Variants in SYT16 observed in about 807,000 individuals in gnomAD.
SYT16 encodes synaptotagmin 16, also known as synaptotagmin-16.
A neutral mutation model predicts 61.4 loss-of-function variants in SYT16; 42 were observed. That is an observed-to-expected ratio of 0.68 (90% CI 0.53 to 0.89). SYT16 has a LOEUF of 0.89. SYT16 is among the 40% of genes least tolerant of loss of function. SYT16 has a pLI of 0.00. For synonymous variants in SYT16, 314 were observed against 302.3 expected (o/e 1.04, Z -0.40); for missense variants, 804 against 807.3 (o/e 1.00, Z 0.05).
At chr14:62,067,862 T>G (rs1406492356) in intron 3 of SYT16, among the ~76,000 whole-genome samples, 1 of 152,192 alleles carries the variant, frequency 6.6e-6, no homozygotes, top group African/African-American at 2.4e-5. Flanking sequence ...GGTGCATGCC[T>G]GTAATCTCAG....
chr14:62,061,758 A>C (rs550953761), intron 3 of SYT16, among the ~76,000 whole-genome samples: 1 of 152,272 alleles, frequency 6.6e-6, no homozygotes, highest in South Asian at 2.1e-4. Flanking sequence ...AAGACGTAAC[A>C]AACTAAAAGG....
chr14:61,938,991 T>C (rs2050101363), intron 1 of SYT16, among the ~76,000 whole-genome samples: 1 of 152,078 alleles, frequency 6.6e-6, no homozygotes, highest in South Asian at 2.1e-4. Flanking sequence ...AAAAATTAGC[T>C]GGGCATGGTG....
intron 3 of SYT16, among the ~76,000 whole-genome samples, chr14:62,021,484 GGTT>G (rs10618042): frequency 0.41 from 62,536 of 150,762 alleles, 13,260 homozygotes; most frequent in East Asian, 0.66. Context: ...TTTTTTTTTC[GGTT>G]GTTGTTTTTT....
intron 1 of SYT16, among the ~76,000 whole-genome samples, chr14:61,887,762 C>T (rs746968561): frequency 5.9e-5 from 9 of 152,276 alleles, no homozygotes; most frequent in African/African-American, 9.6e-5. Flanking sequence ...GAAGAGAGTT[C>T]GGGCCTTGCT....
rs143768257 is a variant in SYT16, at chr14:61,895,920, T to C, written c.-324-74212T>C. Among the ~76,000 whole-genome samples the C allele has an allele frequency of 6.8e-3, 1,035 of 152,274 alleles. 9 individuals carry two copies. The highest frequency in any genetic ancestry group is 0.019 in the African/African-American group (776 of 41,546). ...CTTCTCCTCAGAGGATGAGCTAACC[T>C]CTTAGGGTTTTATCTCCAGCCTGGC... On this transcript the variant is annotated intron_variant, in intron 1 of 7. Coordinates refer to ENST00000683842, the MANE Select transcript of SYT16 (RefSeq NM_001367656.1).
In SYT16 at chr14:62,044,504, A is replaced by G. The variant is rs143707510; in HGVS notation, c.524-25099A>G. 1.5e-4 allele frequency among the ~76,000 whole-genome samples: 23 copies of G among 150,406 alleles called. No homozygotes were observed. In the East Asian group the frequency reaches 4.5e-3, roughly 30 times the overall value. ...GTGTGATGTTCCCCTCCCTCTGTCCATGTGCTCTCATTGTTCAACTCCTAC... is the reference window on the plus strand; with the variant it reads ...GTGTGATGTTCCCCTCCCTCTGTCCGTGTGCTCTCATTGTTCAACTCCTAC... On this transcript the variant is annotated intron_variant, in intron 3 of 7. Coordinates refer to ENST00000683842, the MANE Select transcript of SYT16 (RefSeq NM_001367656.1).
chr14:61,885,731 C>G (rs2047874143), intron 1 of SYT16, among the ~76,000 whole-genome samples: 1 of 152,072 alleles, frequency 6.6e-6, no homozygotes, highest in Non-Finnish European at 1.5e-5. Flanking sequence ...TTTTTGGTTT[C>G]TCAGTGCGTA....
At chr14:61,869,320 C>T (rs569475872) in intron 1 of SYT16, among the ~76,000 whole-genome samples, 3 of 151,680 alleles carry the variant, frequency 2.0e-5, no homozygotes, top group South Asian at 2.1e-4. Flanking sequence ...TTTGTCTTAC[C>T]GTCTTTATTC....
chr14:61,907,902 C>T (rs751120966), intron 1 of SYT16, among the ~76,000 whole-genome samples: 1 of 152,128 alleles, frequency 6.6e-6, no homozygotes, highest in Non-Finnish European at 1.5e-5. Flanking sequence ...ACGTCGTGTT[C>T]CTACAAAGAG....
At chr14:61,890,577 T>TAAAA in intron 1 of SYT16, among the ~76,000 whole-genome samples, 1 of 152,168 alleles carries the variant, frequency 6.6e-6, no homozygotes, top group African/African-American at 2.4e-5. Context: ...GAAGCTCTTT[T>TAAAA]GAGCTTCTTT....
At chr14:62,032,556 C>T (rs1046567021) in intron 3 of SYT16, among the ~76,000 whole-genome samples, 5 of 151,850 alleles carry the variant, frequency 3.3e-5, no homozygotes, top group Admixed American at 6.6e-5. Flanking sequence ...GTTATTTGAG[C>T]TTATAAAAAT....
chr14:61,996,654 C>T, intron 3 of SYT16, 112 bp downstream of exon 3: 3 of 1,285,090 alleles, frequency 2.3e-6, no homozygotes, highest in Non-Finnish European at 3.2e-6. Context: ...CTCTCTTATA[C>T]CTTCCCACAT....
intron 7 of SYT16, among the ~76,000 whole-genome samples, chr14:62,088,461 G>A (rs2056960917): frequency 1.3e-5 from 2 of 152,160 alleles, no homozygotes; most frequent in Non-Finnish European, 2.9e-5. Context: ...GTAGGGACAT[G>A]AGGAAATGTT....
rs766321009 is a variant in SYT16 at position 61,996,512 on chromosome 14, A to G, written c.493A>G (p.Thr165Ala). The G allele has an allele frequency of 2.5e-5, 41 of 1,607,976 alleles. No homozygotes were observed. The highest frequency in any genetic ancestry group is 3.4e-5 in the Non-Finnish European group (40 of 1,177,146). ...TGGCTTTGACAGCCAGCTCCCTGGTACTTTAGAAACTGTTAATGGAAAAAA... is the reference window on the plus strand; with the variant it reads ...TGGCTTTGACAGCCAGCTCCCTGGTGCTTTAGAAACTGTTAATGGAAAAAA... The part of the protein sequence containing the change: ...QHGFDSQLPG[T>A]LETVNGKKQV... Residue 165 changes from threonine (T) to alanine (A), a missense_variant, in exon 3 of 8, where the codon ACT becomes GCT. Transcript: ENST00000683842.
intron 3 of SYT16, among the ~76,000 whole-genome samples, chr14:62,011,466 T>G (rs2053446458): frequency 6.6e-6 from 1 of 152,164 alleles, no homozygotes; most frequent in African/African-American, 2.4e-5. Context: ...TCACGTGGCT[T>G]GACTTAAATT....
intron 1 of SYT16, among the ~76,000 whole-genome samples, chr14:61,834,035 G>A (rs543022750): frequency 7.7e-5 from 11 of 142,280 alleles, no homozygotes; most frequent in Middle Eastern, 3.5e-3. Context: ...AAGTAATTTT[G>A]CTTATTGGTT....
In SYT16 at chr14:62,032,772, T is replaced by G. The variant is rs562401806; in HGVS notation, c.523+36230T>G. Among the ~76,000 whole-genome samples, 4 of 151,122 alleles carry G rather than the reference T, an allele frequency of 2.6e-5. No individual in the cohort carries two copies. The South Asian group carries it at 8.4e-4, about 32-fold the overall frequency. On this transcript the variant is annotated intron_variant, in intron 3 of 7. Transcript: ENST00000683842. The stretch of plus-strand genomic sequence containing the variant: ...TTAAAATGAACTTATTTAATTGGGG[T>G]GGAGGGAGGAGTGGTTGTTTCAGGA...
intron 1 of SYT16, among the ~76,000 whole-genome samples, chr14:61,839,137 C>G (rs1390252014): frequency 1.3e-5 from 2 of 152,144 alleles, no homozygotes; most frequent in African/African-American, 2.4e-5. Context: ...TCTAAATGTG[C>G]CCTCCAAAAT....
chr14:62,099,083 G>A (rs925595755), intron 7 of SYT16, among the ~76,000 whole-genome samples: 2 of 152,112 alleles, frequency 1.3e-5, no homozygotes, highest in Admixed American at 1.3e-4. Context: ...AATGAGACTA[G>A]AAGATAGGGC....
Sources: allele counts gnomAD v4.1 joint callset (sites outside exome capture counted in the v4.1 genomes callset), GRCh38; gene constraint gnomAD v4.1.1; transcripts MANE v1.5; gene names NCBI Gene and HGNC (gene_info 2026-07-23, HGNC 2026-07-21).